Variants in ELP1 observed in about 807,000 individuals in gnomAD.
ELP1 encodes elongator acetyltransferase complex subunit 1.
Under a neutral mutation model 183.2 loss-of-function variants are expected in ELP1, and 131 were observed. The ratio of observed to expected loss-of-function variants is 0.72; its 90% CI spans 0.62 to 0.83. The LOEUF is 0.83. Ranked by LOEUF, ELP1 falls within the 40% of genes least tolerant of loss-of-function variation. The pLI is 0.00. For synonymous variants in ELP1, 555 were observed against 569.0 expected (o/e 0.98, Z 0.35); for missense variants, 1,550 against 1,594.9 (o/e 0.97, Z 0.48).
At position 108,891,287 on chromosome 9, in the gene ELP1, C is replaced by T; in HGVS notation, c.3076G>A (p.Gly1026Ser). 1 of 1,614,206 alleles carries T rather than the reference C, an allele frequency of 6.2e-7. No individual in the cohort carries two copies. The highest frequency in any genetic ancestry group is 8.5e-7 in the Non-Finnish European group (1 of 1,180,040). The change falls in exon 28 of 37, where the codon GGC becomes AGC. Residue 1026 changes from glycine (G) to serine (S), a missense_variant. Coordinates refer to ENST00000374647, the MANE Select transcript of ELP1 (RefSeq NM_003640.5). ...EKALSAFLTC[G>S]NWKQALCVAA... ...ACACAGAGGGCTTGCTTCCAGTTGCCACATGTCAGAAAGGCTGAGAGAGCT... is the reference window on the plus strand; with the variant it reads ...ACACAGAGGGCTTGCTTCCAGTTGCTACATGTCAGAAAGGCTGAGAGAGCT...
At chr9:108,912,516 A>T (rs778168046) in intron 10 of ELP1, 22 bp from the exon 11 acceptor site, 1 of 1,552,258 alleles carries the variant, frequency 6.4e-7, no homozygotes, top group Non-Finnish European at 8.9e-7. Context: ...AATGAAAAGA[A>T]GGCCGTTAGA....
intron 31 of ELP1, among the ~76,000 whole-genome samples, chr9:108,881,261 C>T (rs960131251): frequency 6.6e-6 from 1 of 152,164 alleles, no homozygotes; most frequent in Non-Finnish European, 1.5e-5. Context: ...TGCATGCATA[C>T]ACACATTCAT....
chr9:108,897,293 C>G lies in ELP1; in HGVS notation c.2364-8G>C. 2 of 1,613,964 alleles carry G rather than the reference C, an allele frequency of 1.2e-6. No individual in the cohort carries two copies. The highest frequency in any genetic ancestry group is 8.5e-7 in the Non-Finnish European group (1 of 1,180,010). ...TTCGTGACATCTTCTTCTCTAAGAA[C>G]AGGTGTGTATGGAATGGTCATCAAC... On this transcript the variant is annotated splice_polypyrimidine_tract_variant and splice_region_variant and intron_variant, in intron 22 of 36. Coordinates refer to ENST00000374647, the MANE Select transcript of ELP1 (RefSeq NM_003640.5).
intron 5 of ELP1, among the ~76,000 whole-genome samples, chr9:108,924,904 C>A (rs111732210): frequency 2.6e-5 from 4 of 152,164 alleles, no homozygotes; most frequent in Non-Finnish European, 5.9e-5. Context: ...ACCTTACATA[C>A]GCAAAGCCTA....
At position 108,897,227 on chromosome 9, in the gene ELP1, A is replaced by T. The variant is rs758422556; in HGVS notation, c.2422T>A (p.Ser808Thr). 1.2e-6 allele frequency: 2 copies of T among 1,614,118 alleles called. No homozygotes were observed. The highest frequency in any genetic ancestry group is 1.1e-5 in the South Asian group (1 of 91,070). ...PAPVTSSVYLSRDPDGNKIDL... is the reference protein window; with the variant it reads ...PAPVTSSVYLTRDPDGNKIDL... ...ATTTTATTCCCGTCAGGATCCCTGG[A>T]CAGGTAGACACTGCTGGTAACTGGT... is the stretch of plus-strand genomic sequence containing the variant. Residue 808 changes from serine (S) to threonine (T), a missense_variant, in exon 23 of 37, where the codon TCC becomes ACC. Coordinates refer to ENST00000374647, the MANE Select transcript of ELP1 (RefSeq NM_003640.5).
At chr9:108,919,750 T>A (rs1273856142) in intron 6 of ELP1, among the ~76,000 whole-genome samples, 5 of 152,010 alleles carry the variant, frequency 3.3e-5, no homozygotes, top group African/African-American at 1.2e-4. Flanking sequence ...AGGGCACAGA[T>A]GAGTTAAGAT....
chr9:108,907,889 T>G (rs1050338339), intron 13 of ELP1, among the ~76,000 whole-genome samples: 1 of 152,206 alleles, frequency 6.6e-6, no homozygotes, highest in African/African-American at 2.4e-5. Flanking sequence ...CCCAGGAGCC[T>G]CAAAGCACAG....
chr9:108,874,857 G>T, intron 36 of ELP1, 38 bp downstream of exon 36: 2 of 1,285,222 alleles, frequency 1.6e-6, no homozygotes, highest in Non-Finnish European at 2.3e-6. Flanking sequence ...TAGTCCTTCT[G>T]CTTAGTATTG....
At chr9:108,933,455 C>CA (rs1830065822) in intron 1 of ELP1, among the ~76,000 whole-genome samples, 1 of 152,212 alleles carries the variant, frequency 6.6e-6, no homozygotes, top group African/African-American at 2.4e-5. Flanking sequence ...CCACGTAAAA[C>CA]ACCACGTTAG....
chr9:108,895,068 G>A lies in ELP1; in HGVS notation c.2737-1002C>T, dbSNP rs139123661. Among the ~76,000 whole-genome samples the A allele has an allele frequency of 5.9e-5, 9 of 152,156 alleles. No individual in the cohort carries two copies. The East Asian group carries it at 1.5e-3, about 26-fold the overall frequency. On this transcript the variant is annotated intron_variant, in intron 25 of 36. Coordinates refer to ENST00000374647, the MANE Select transcript of ELP1 (RefSeq NM_003640.5). Reference sequence around the variant, plus strand: ...TTGAGACCAGCCTGGGCAACATGGCGAAACCCCGTCTCAACAAAAAAAATT... The same window carrying A: ...TTGAGACCAGCCTGGGCAACATGGCAAAACCCCGTCTCAACAAAAAAAATT...
chr9:108,899,010 C>T (rs951839690), intron 20 of ELP1, among the ~76,000 whole-genome samples: 2 of 152,034 alleles, frequency 1.3e-5, no homozygotes, highest in South Asian at 4.2e-4. Context: ...AAAATCATTA[C>T]AGAAGCCCGG....
At chr9:108,925,326 C>T (rs1236981453) in intron 5 of ELP1, among the ~76,000 whole-genome samples, 1 of 152,226 alleles carries the variant, frequency 6.6e-6, no homozygotes, top group East Asian at 1.9e-4. Flanking sequence ...ATTCTACACT[C>T]ACATTCTGCC....
chr9:108,894,138 T>C (rs1036725365), intron 25 of ELP1, 72 bp from the exon 26 acceptor site: 9 of 904,022 alleles, frequency 1.0e-5, no homozygotes, highest in Non-Finnish European at 1.5e-5. Context: ...AGCATTTACA[T>C]ATAGCAATAA....
At chr9:108,913,049 C>T (rs1048302404) in intron 10 of ELP1, among the ~76,000 whole-genome samples, 1 of 152,062 alleles carries the variant, frequency 6.6e-6, no homozygotes, top group African/African-American at 2.4e-5. Flanking sequence ...CCTGAGCCAC[C>T]GTGCCTGGCC....
At chr9:108,881,008 A>G (rs1827909115) in intron 31 of ELP1, among the ~76,000 whole-genome samples, 1 of 152,230 alleles carries the variant, frequency 6.6e-6, no homozygotes, top group African/African-American at 2.4e-5. Flanking sequence ...CTATAAGTCA[A>G]ACTGATGTCC....
chr9:108,916,379 C>A (rs922395089), intron 9 of ELP1, 82 bp from the exon 10 acceptor site: 47 of 1,104,810 alleles, frequency 4.3e-5, no homozygotes, highest in Middle Eastern at 3.9e-4. Context: ...TTTCCTCTCT[C>A]AAATCAAATA....
In ELP1 at chr9:108,868,051, C is replaced by T. The variant is rs951027770; in HGVS notation, c.*1064G>A. On this transcript the variant is annotated 3_prime_UTR_variant, in exon 37 of 37. Transcript: ENST00000374647. ...TCACAGGGGCAGATCCTACGTGAAT[C>T]GCTTGTGCCATCCTCGTGGTAATGA... 1 of 152,208 alleles carries T rather than the reference C, an allele frequency of 6.6e-6. No individual in the cohort carries two copies. 9.4% of individuals were successfully genotyped at this position (152,208 alleles called of 1,614,324 possible). A position where few individuals can be genotyped will look rare whatever the true frequency, so the allele number is the denominator to read the frequency against.
chr9:108,926,446 G>A, intron 5 of ELP1, 77 bp downstream of exon 5: 2 of 1,067,830 alleles, frequency 1.9e-6, no homozygotes, highest in Non-Finnish European at 1.4e-6. Flanking sequence ...CTAATGACAT[G>A]GCTATTAGTG....
chr9:108,917,515 C>T (rs966191544), intron 9 of ELP1, 32 bp downstream of exon 9: 5 of 1,594,270 alleles, frequency 3.1e-6, no homozygotes, highest in Non-Finnish European at 4.3e-6. Context: ...AAGTCCTCTA[C>T]ATTCGAGGGT....
Sources: allele counts gnomAD v4.1 joint callset (sites outside exome capture counted in the v4.1 genomes callset), GRCh38; gene constraint gnomAD v4.1.1; transcripts MANE v1.5; gene names NCBI Gene and HGNC (gene_info 2026-07-23, HGNC 2026-07-21).